Variants in ATP13A3 observed in about 807,000 individuals in gnomAD.
ATP13A3 encodes polyamine-transporting ATPase 13A3.
In ATP13A3, 59 loss-of-function variants were observed where a neutral mutation model predicts 158.1. The observed-to-expected ratio is 0.37, with a 90% CI of 0.30 to 0.46. The LOEUF is 0.46. ATP13A3 is among the 20% of genes least tolerant of loss of function. ATP13A3 has a pLI of 1.00. For missense variants in ATP13A3, 1,166 were observed against 1,525.2 expected, an observed-to-expected ratio of 0.76 and a Z score of 3.92; for synonymous variants, 491 against 504.3, an observed-to-expected ratio of 0.97 and a Z score of 0.35.
At position 194,406,136 on chromosome 3, in the gene ATP13A3, A is replaced by G. The variant is rs1714911817; in HGVS notation, c.3574-20T>C. 6.2e-7 allele frequency: 1 copy of G among 1,611,784 alleles called. No homozygotes were observed. The highest frequency in any genetic ancestry group is 1.1e-5 in the South Asian group (1 of 90,916). On this transcript the variant is annotated intron_variant, in intron 33 of 33. Coordinates refer to ENST00000645319, the MANE Select transcript of ATP13A3 (RefSeq NM_001367549.1). ...TGACTCCTAAGAAAATAAGAAAAAAACAAAACAAAACACCCCAGTTGATTA... is the reference window on the plus strand; with the variant it reads ...TGACTCCTAAGAAAATAAGAAAAAAGCAAAACAAAACACCCCAGTTGATTA...
chr3:194,464,996 T>C (rs1207918907), intron 2 of ATP13A3, among the ~76,000 whole-genome samples: 1 of 152,176 alleles, frequency 6.6e-6, no homozygotes, highest in Non-Finnish European at 1.5e-5. Context: ...GAAGGATTAC[T>C]TCACATTCTC....
chr3:194,453,650 CATT>C, intron 10 of ATP13A3, 53 bp downstream of exon 10: 1 of 1,397,042 alleles, frequency 7.2e-7, no homozygotes, highest in Non-Finnish European at 1.0e-6. Flanking sequence ...TTACTTCACA[CATT>C]ATGCCTAACA....
intron 29 of ATP13A3, among the ~76,000 whole-genome samples, chr3:194,426,421 T>A (rs950898178): frequency 3.9e-5 from 6 of 152,192 alleles, no homozygotes; most frequent in African/African-American, 1.4e-4. Context: ...GCACCTAATT[T>A]ATTTTTCCCC....
At chr3:194,487,579 C>G (rs1363743119), upstream of ATP13A3, 1 of 152,336 alleles carries the variant, frequency 6.6e-6, no homozygotes, top group African/African-American at 2.4e-5. Flanking sequence ...CCCACGCGCC[C>G]GCGCCTCGCC....
chr3:194,438,968 A>G lies in ATP13A3; in HGVS notation c.1715T>C (p.Leu572Pro). ...TGTTTCTTCTTCAGTTGCTTCTTCC[A>G]GAATCTGGAAAAAAAAAAGAGACAA... ...LKMFEAIGWI[L>P]EEATEEETAL... Residue 572 changes from leucine to proline, a missense_variant, in exon 17 of 34, where the codon CTG becomes CCG. Physicochemically the swap from Leu to Pro is moderately conservative, Grantham distance 98. Around this residue, in one of 3 missense-constraint regions of ATP13A3, gnomAD observed 997 missense variants for 1,341.2 expected, o/e 0.74. Transcript: ENST00000645319. The G allele has an allele frequency of 6.4e-7, 1 of 1,568,652 alleles. No individual in the cohort carries two copies. Among genetic ancestry groups the G allele is most frequent in the Non-Finnish European group, 8.6e-7 (1 of 1,156,176 alleles).
At chr3:194,453,669 C>T in intron 10 of ATP13A3, 37 bp downstream of exon 10, 1 of 1,538,716 alleles carries the variant, frequency 6.5e-7, no homozygotes, top group South Asian at 1.1e-5. Flanking sequence ...TAACAGGTAT[C>T]TTTTTTGATT....
intron 20 of ATP13A3, 143 bp downstream of exon 20, chr3:194,436,952 T>C (rs1219180652): frequency 8.7e-7 from 1 of 1,144,590 alleles, no homozygotes; most frequent in African/African-American, 1.6e-5. Context: ...AATGTACTTT[T>C]ACTTCAATCA....
Position 194,484,242 on chromosome 3 carries a change from A to T in ATP13A3, c.-47+1552T>A, listed in dbSNP as rs1276999071. Among the ~76,000 whole-genome samples, 4 of 151,964 alleles carry T rather than the reference A, an allele frequency of 2.6e-5. No homozygotes were observed. In the East Asian group the frequency reaches 7.7e-4, roughly 29 times the overall value. On this transcript the variant is annotated intron_variant, in intron 2 of 33. Coordinates refer to ENST00000645319, the MANE Select transcript of ATP13A3 (RefSeq NM_001367549.1). ...ATACTGTAAGCTCCTTAACTTCTTT[A>T]ATTTTTTTTTTAACAAAGAAGAATA...
At chr3:194,406,721 C>T (rs1714964896) in intron 33 of ATP13A3, among the ~76,000 whole-genome samples, 1 of 152,160 alleles carries the variant, frequency 6.6e-6, no homozygotes, top group Admixed American at 6.6e-5. Flanking sequence ...TGGAAGAAAG[C>T]TGTGTACAAG....
In ATP13A3 at chr3:194,476,763, G is replaced by GTTGTT. The variant is rs996942433; in HGVS notation, c.-47+9026_-47+9030dup. On this transcript the variant is annotated intron_variant, in intron 2 of 33. Coordinates refer to ENST00000645319, the MANE Select transcript of ATP13A3 (RefSeq NM_001367549.1). ...TAAAAGAGTACCTTCAAAGTAAGTT[G>GTTGTT]TTGTTTTTTTTTTTTTTCAAAACAA... is the stretch of plus-strand genomic sequence containing the variant. Among the ~76,000 whole-genome samples the GTTGTT allele has an allele frequency of 5.4e-5, 7 of 130,622 alleles. No individual in the cohort carries two copies. The East Asian group carries it at 6.9e-4, about 13-fold the overall frequency. 85.7% of individuals were successfully genotyped at this position (130,622 alleles called of 152,430 possible).
intron 28 of ATP13A3, among the ~76,000 whole-genome samples, chr3:194,428,277 C>G (rs1194958720): frequency 2.0e-5 from 3 of 151,264 alleles, no homozygotes; most frequent in Non-Finnish European, 4.4e-5. Context: ...GTAACTAGCA[C>G]CTTGTGAAAA....
At chr3:194,491,268 C>T (rs561061002), upstream of ATP13A3, among the ~76,000 whole-genome samples, 2 of 152,154 alleles carry the variant, frequency 1.3e-5, no homozygotes, top group Non-Finnish European at 2.9e-5. Context: ...CCAAACTTAA[C>T]TCTTGCCTTT....
chr3:194,414,644 A>G (rs1340652955), intron 31 of ATP13A3, among the ~76,000 whole-genome samples: 1 of 152,230 alleles, frequency 6.6e-6, no homozygotes, highest in East Asian at 1.9e-4. Context: ...TTATAATAAG[A>G]AAACTGAAAG....
At chr3:194,478,461 AG>A (rs1451268013) in intron 2 of ATP13A3, among the ~76,000 whole-genome samples, 1 of 152,082 alleles carries the variant, frequency 6.6e-6, no homozygotes, top group East Asian at 1.9e-4. Flanking sequence ...AATGTTAGGG[AG>A]AAAATAGAGA....
At chr3:194,491,159 C>T (rs1201220193), upstream of ATP13A3, among the ~76,000 whole-genome samples, 1 of 152,114 alleles carries the variant, frequency 6.6e-6, no homozygotes, top group Admixed American at 6.6e-5. Flanking sequence ...GAATGTCAAC[C>T]ATATGCCTGC....
chr3:194,408,419 T>C (rs934663645), intron 33 of ATP13A3, among the ~76,000 whole-genome samples: 11 of 152,190 alleles, frequency 7.2e-5, no homozygotes, highest in African/African-American at 2.7e-4. Context: ...ATAATAGGAC[T>C]TGTCTGTCCA....
intron 2 of ATP13A3, among the ~76,000 whole-genome samples, chr3:194,475,569 A>C (rs958920142): frequency 2.0e-5 from 3 of 152,234 alleles, no homozygotes; most frequent in African/African-American, 7.2e-5. Context: ...TAACATTTAC[A>C]TTCAACAAAT....
chr3:194,427,904 T>C (rs555808216), intron 28 of ATP13A3, among the ~76,000 whole-genome samples: 2 of 152,230 alleles, frequency 1.3e-5, no homozygotes, highest in South Asian at 2.1e-4. Context: ...TAAGGTGGTA[T>C]ACACAAGTTT....
In ATP13A3 at chr3:194,406,069, G is replaced by A. The variant is rs757189284; in HGVS notation, c.3621C>T (p.Gly1207=). Residue 1207 remains glycine, a synonymous_variant, in exon 34 of 34, where the codon GGC becomes GGT. Coordinates refer to ENST00000645319, the MANE Select transcript of ATP13A3 (RefSeq NM_001367549.1). ...WGKCCLPWAL[G]CRKKTPKAKY... The stretch of plus-strand genomic sequence containing the variant: ...TTGCCTTTGGTGTCTTCTTTCTACA[G>A]CCCAGGGCCCAGGGTAAGCAGCATT... The A allele has an allele frequency of 6.2e-7, 1 of 1,614,152 alleles. No homozygotes were observed. Among genetic ancestry groups the A allele is most frequent in the South Asian group, 1.1e-5 (1 of 91,084 alleles).
Sources: gnomAD v4.1 joint callset for allele counts (sites outside exome capture counted in the v4.1 genomes callset) on GRCh38, gnomAD v4.1.1 for gene constraint, gnomAD v4.1.1 regional missense constraint, MANE v1.5 for transcripts, NCBI Gene and HGNC (gene_info 2026-07-23, HGNC 2026-07-21) for gene names.